LUZP2: variants seen among roughly 807,000 people sequenced by gnomAD.
The protein encoded by LUZP2 is leucine zipper protein 2.
A neutral mutation model predicts 51.6 loss-of-function variants in LUZP2; 52 were observed. That is an observed-to-expected ratio of 1.01 (90% confidence interval 0.81 to 1.27). LUZP2 has a LOEUF of 1.27. Ranked by LOEUF, LUZP2 falls within the 50% of genes most tolerant of loss-of-function variation. LUZP2 has a pLI of 0.00. For synonymous variants in LUZP2, 154 were observed against 137.3 expected (o/e 1.12, Z -0.85); for missense variants, 436 against 395.4 (o/e 1.10, Z -0.87).
Position 24,878,098 on chromosome 11 carries a change from G to GTTTTTTTTTT in LUZP2, c.397-27892_397-27891insTTTTTTTTTT. 1.6e-4 allele frequency among the ~76,000 whole-genome samples: 3 copies of GTTTTTTTTTT among 18,542 alleles called. 1 individual carries two copies. Among genetic ancestry groups the GTTTTTTTTTT allele is most frequent in the Non-Finnish European group, 2.6e-4 (2 of 7,662 alleles). The allele number at this position is 18,542 out of a possible 152,430, so 12.2% of individuals were successfully genotyped here. On this transcript the variant is annotated intron_variant, in intron 5 of 11. Coordinates refer to ENST00000336930, the MANE Select transcript of LUZP2 (RefSeq NM_001009909.4). ...GATAGTTACGGTGTTGTAATATTCT[G>GTTTTTTTTTT]TGTTTTTTTTTTTTTTTTTGGTGAA...
chr11:24,778,535 T>G (rs1408056665), intron 5 of LUZP2, among the ~76,000 whole-genome samples: 1 of 152,124 alleles, frequency 6.6e-6, no homozygotes, highest in Non-Finnish European at 1.5e-5. Context: ...ATTCTTAGAT[T>G]TTTACATAAG....
intron 5 of LUZP2, among the ~76,000 whole-genome samples, chr11:24,839,408 A>G (rs1393414060): frequency 6.6e-6 from 1 of 151,756 alleles, no homozygotes; most frequent in Non-Finnish European, 1.5e-5. Context: ...TTTTTTATAG[A>G]GGTTAAAACT....
intron 1 of LUZP2, among the ~76,000 whole-genome samples, chr11:24,554,761 A>G (rs543762738): frequency 1.1e-3 from 160 of 147,680 alleles, no homozygotes; most frequent in African/African-American, 3.8e-3. Flanking sequence ...ACAACAGACT[A>G]TATTGAAAAT....
chr11:24,764,516 A>G (rs75597328), intron 5 of LUZP2, among the ~76,000 whole-genome samples: 4 of 145,926 alleles, frequency 2.7e-5, no homozygotes, highest in South Asian at 2.2e-4. Context: ...AAAAAAAAAA[A>G]TTAGCTGGGA....
intron 9 of LUZP2, among the ~76,000 whole-genome samples, chr11:25,018,043 T>TTTTTTTG (rs140118006): frequency 3.3e-5 from 1 of 30,740 alleles, no homozygotes; most frequent in Non-Finnish European, 9.5e-5. Context: ...TTCTGTTTTT[T>TTTTTTTG]TTTTGTTTTT....
At chr11:24,671,698 A>G (rs1856406548) in intron 1 of LUZP2, among the ~76,000 whole-genome samples, 1 of 152,090 alleles carries the variant, frequency 6.6e-6, no homozygotes, top group Non-Finnish European at 1.5e-5. Context: ...CACAAGAGAG[A>G]TGGCATTTTT....
intron 5 of LUZP2, among the ~76,000 whole-genome samples, chr11:24,848,160 A>G (rs950336628): frequency 4.6e-5 from 7 of 152,144 alleles, no homozygotes. Flanking sequence ...ATGATATGAT[A>G]TGATAGATAT....
chr11:24,711,240 G>A (rs900330239), intron 1 of LUZP2, among the ~76,000 whole-genome samples: 2 of 151,786 alleles, frequency 1.3e-5, no homozygotes, highest in African/African-American at 4.8e-5. Context: ...ACGAGGTCAG[G>A]AGATCGAGAC....
intron 5 of LUZP2, chr11:24,892,626 C>T (rs538738584): frequency 2.1e-4 from 41 of 196,202 alleles, no homozygotes; most frequent in African/African-American, 8.9e-4. Flanking sequence ...AGGTAGTCAA[C>T]TACTAGATGT....
At chr11:24,511,248 C>A (rs1239799524) in intron 1 of LUZP2, among the ~76,000 whole-genome samples, 2 of 152,144 alleles carry the variant, frequency 1.3e-5, no homozygotes, top group African/African-American at 4.8e-5. Context: ...ATGCCATTCA[C>A]AGATTTTTGG....
At chr11:24,526,897 T>C (rs1850824965) in intron 1 of LUZP2, among the ~76,000 whole-genome samples, 1 of 151,360 alleles carries the variant, frequency 6.6e-6, no homozygotes, top group African/African-American at 2.4e-5. Flanking sequence ...AAAGAGTTCA[T>C]ACTCTCTGTT....
intron 5 of LUZP2, among the ~76,000 whole-genome samples, chr11:24,781,608 T>G (rs1398458890): frequency 1.3e-5 from 2 of 151,956 alleles, no homozygotes; most frequent in East Asian, 3.9e-4. Flanking sequence ...CCATTACCAT[T>G]TTCCATTTTC....
intron 1 of LUZP2, among the ~76,000 whole-genome samples, chr11:24,669,108 A>G (rs1302008587): frequency 1.3e-5 from 2 of 152,188 alleles, no homozygotes; most frequent in Non-Finnish European, 2.9e-5. Flanking sequence ...ACCAAGTTAA[A>G]GACCCAGCTC....
intron 9 of LUZP2, among the ~76,000 whole-genome samples, chr11:25,030,143 A>G (rs1426007353): frequency 6.6e-6 from 1 of 151,986 alleles, no homozygotes; most frequent in African/African-American, 2.4e-5. Context: ...TCCCATATAC[A>G]TTTGTCTTTA....
intron 7 of LUZP2, among the ~76,000 whole-genome samples, chr11:24,927,383 T>C (rs1854310010): frequency 6.6e-6 from 1 of 152,138 alleles, no homozygotes; most frequent in Admixed American, 6.6e-5. Context: ...AGAATTTTTA[T>C]GGCTTCAGGT....
At chr11:25,049,757 G>A (rs1020254413) in intron 9 of LUZP2, among the ~76,000 whole-genome samples, 2 of 151,720 alleles carry the variant, frequency 1.3e-5, no homozygotes, top group Admixed American at 1.3e-4. Flanking sequence ...TCTTACCATG[G>A]AAGAAATAAA....
At chr11:24,963,072 C>G (rs1855465693) in intron 7 of LUZP2, among the ~76,000 whole-genome samples, 1 of 152,188 alleles carries the variant, frequency 6.6e-6, no homozygotes, top group African/African-American at 2.4e-5. Context: ...GTTTGCAGAA[C>G]AGCGGTTTTT....
rs1468160877 is a variant in LUZP2, at chr11:24,600,186, C to CAA, written c.62+102882_62+102883insAA. ...TAATGTAGATTACAACACACACACA[C>CAA]ACACACACACACACACACACACACA... On this transcript the variant is annotated intron_variant, in intron 1 of 11. Transcript: ENST00000336930. Among the ~76,000 whole-genome samples the CAA allele has an allele frequency of 7.6e-3, 586 of 77,474 alleles. 3 individuals carry two copies. The highest frequency in any genetic ancestry group is 0.031 in the African/African-American group (547 of 17,776). The allele number at this position is 77,474 out of a possible 152,430, so 50.8% of individuals were successfully genotyped here. A position where few individuals can be genotyped will look rare whatever the true frequency, so the allele number is the denominator to read the frequency against.
In LUZP2 at chr11:24,897,730, C is replaced by T. The variant is rs116993766; in HGVS notation, c.397-8261C>T. ...AGTGAGACCAAGAACCCACCAATTT[C>T]GGACACAATATGATTGTTGGTTGCT... On this transcript the variant is annotated intron_variant, in intron 5 of 11. Coordinates refer to ENST00000336930, the MANE Select transcript of LUZP2 (RefSeq NM_001009909.4). Among the ~76,000 whole-genome samples the T allele has an allele frequency of 7.4e-4, 113 of 152,280 alleles. No individual in the cohort carries two copies. The East Asian group carries it at 0.019, about 25-fold the overall frequency.
Sources: allele counts gnomAD v4.1 joint callset (sites outside exome capture counted in the v4.1 genomes callset), GRCh38; gene constraint gnomAD v4.1.1; transcripts MANE v1.5; gene names NCBI Gene and HGNC (gene_info 2026-07-23, HGNC 2026-07-21).